The following RAPGEF4 variants were observed in gnomAD, a reference collection of about 807,000 sequenced individuals.
RAPGEF4 encodes Rap guanine nucleotide exchange factor 4.
RAPGEF4 carries 66 observed loss-of-function variants against 147.9 expected under a neutral mutation model. That is an observed-to-expected ratio of 0.45 (90% CI 0.37 to 0.55). The LOEUF (loss-of-function observed/expected upper bound fraction) is 0.55, where lower values mean the gene tolerates loss of function less well. Ranked by LOEUF, RAPGEF4 falls within the 20% of genes least tolerant of loss-of-function variation. The pLI, the probability that RAPGEF4 is intolerant of heterozygous loss-of-function variation, is 0.00. For missense variants in RAPGEF4, 1,071 were observed against 1,257.3 expected, an observed-to-expected ratio of 0.85 and a Z score of 2.24; for synonymous variants, 419 against 442.7, an observed-to-expected ratio of 0.95 and a Z score of 0.67.
At chr2:172,926,350 T>G (rs1013984728) in intron 6 of RAPGEF4, among the ~76,000 whole-genome samples, 1 of 152,220 alleles carries the variant, frequency 6.6e-6, no homozygotes, top group South Asian at 2.1e-4. Flanking sequence ...TGGCTACTTA[T>G]GCAGATTGTG....
At chr2:172,816,881 C>T (rs1688565659) in intron 4 of RAPGEF4, among the ~76,000 whole-genome samples, 1 of 152,202 alleles carries the variant, frequency 6.6e-6, no homozygotes. Flanking sequence ...TTTGCCTGTT[C>T]ATGCAACTAA....
Position 172,996,559 on chromosome 2 carries a change from A to G in RAPGEF4, c.1579+5A>G. 2 of 1,537,690 alleles carry G rather than the reference A, an allele frequency of 1.3e-6. No individual in the cohort carries two copies. Among genetic ancestry groups the G allele is most frequent in the South Asian group, 2.4e-5 (2 of 81,864 alleles). ...CAACTTTAAATGAAGCAACAGGTAT[A>G]CACATAGAACCGTTTGCATGTCCAT... On this transcript the variant is annotated splice_donor_5th_base_variant and intron_variant, in intron 16 of 30. Transcript: ENST00000397081.
chr2:172,790,427 A>G (rs1360946064), intron 1 of RAPGEF4, among the ~76,000 whole-genome samples: 1 of 152,182 alleles, frequency 6.6e-6, no homozygotes, highest in Non-Finnish European at 1.5e-5. Flanking sequence ...ATGCCAGGCT[A>G]AAGAAAATCA....
At chr2:172,960,940 AGT>A (rs1689225780) in intron 7 of RAPGEF4, 127 bp downstream of exon 7, 2 of 893,810 alleles carry the variant, frequency 2.2e-6, no homozygotes, top group East Asian at 5.1e-5. Context: ...GGAAATATTC[AGT>A]GTTTCAGTTC....
chr2:172,980,353 T>C (rs1223608986), intron 10 of RAPGEF4, among the ~76,000 whole-genome samples: 1 of 152,108 alleles, frequency 6.6e-6, no homozygotes, highest in Non-Finnish European at 1.5e-5. Context: ...AAGAGGGCTG[T>C]TTGGAGAACA....
In RAPGEF4 at chr2:173,018,169, T is replaced by C. The variant is rs1695676753; in HGVS notation, c.2009-487T>C. ...GCTGATCTAAGTCTGCTGAGCTAAA[T>C]AGCATCCGAGCTTACATGGCCTGGC... is the stretch of plus-strand genomic sequence containing the variant. On this transcript the variant is annotated intron_variant, in intron 21 of 30. Coordinates refer to ENST00000397081, the MANE Select transcript of RAPGEF4 (RefSeq NM_007023.4). Among the ~76,000 whole-genome samples, 4 of 152,268 alleles carry C rather than the reference T, an allele frequency of 2.6e-5. No individual in the cohort carries two copies. The South Asian group carries it at 6.2e-4, about 24-fold the overall frequency.
chr2:172,803,883 C>T (rs999392656), intron 3 of RAPGEF4, among the ~76,000 whole-genome samples: 1 of 152,200 alleles, frequency 6.6e-6, no homozygotes, highest in Non-Finnish European at 1.5e-5. Context: ...TAAAACGCCA[C>T]CAGTGTCTTT....
intron 4 of RAPGEF4, among the ~76,000 whole-genome samples, chr2:172,882,512 A>G (rs189894990): frequency 1.3e-5 from 2 of 152,300 alleles, no homozygotes; most frequent in East Asian, 3.9e-4. Flanking sequence ...AAGAAGTTCA[A>G]AATGCACTAT....
chr2:172,843,380 G>A (rs1285741143), intron 4 of RAPGEF4, among the ~76,000 whole-genome samples: 1 of 152,188 alleles, frequency 6.6e-6, no homozygotes, highest in Admixed American at 6.5e-5. Context: ...GTCAAAGCAT[G>A]CACACTTGGA....
At chr2:172,876,671 T>C (rs991639808) in intron 4 of RAPGEF4, among the ~76,000 whole-genome samples, 1 of 152,212 alleles carries the variant, frequency 6.6e-6, no homozygotes, top group African/African-American at 2.4e-5. Context: ...TTGAGGATTT[T>C]TGCATCAATG....
intron 1 of RAPGEF4, among the ~76,000 whole-genome samples, chr2:172,738,346 C>T (rs1694001156): frequency 6.6e-6 from 1 of 152,124 alleles, no homozygotes; most frequent in African/African-American, 2.4e-5. Flanking sequence ...TGCTTGTAGG[C>T]TTAGAGGGTA....
At chr2:172,753,878 A>ACG (rs1695525065) in intron 1 of RAPGEF4, among the ~76,000 whole-genome samples, 1 of 142,698 alleles carries the variant, frequency 7.0e-6, no homozygotes, top group Non-Finnish European at 1.5e-5. Context: ...GTGTATGTAC[A>ACG]CACACACACA....
intron 10 of RAPGEF4, among the ~76,000 whole-genome samples, chr2:172,981,944 T>G (rs1691723556): frequency 6.6e-6 from 1 of 152,254 alleles, no homozygotes; most frequent in Admixed American, 6.5e-5. Flanking sequence ...TGCAAAGGTC[T>G]GAGTTTTGAA....
chr2:172,765,066 A>G (rs1189510620), intron 1 of RAPGEF4, among the ~76,000 whole-genome samples: 1 of 152,200 alleles, frequency 6.6e-6, no homozygotes, highest in Non-Finnish European at 1.5e-5. Context: ...TTAGAGAAGA[A>G]GACTTCCTTG....
rs572585353 is a variant in RAPGEF4, at chr2:172,977,401, G to A, written c.1005-6095G>A. ...TTGTTCAGTGATTGTGGTGGGGAAC[G>A]CTCAGTTTTAGATGTGATCAGGTGC... On this transcript the variant is annotated intron_variant, in intron 10 of 30. Coordinates refer to ENST00000397081, the MANE Select transcript of RAPGEF4 (RefSeq NM_007023.4). 9.9e-5 allele frequency among the ~76,000 whole-genome samples: 15 copies of A among 152,208 alleles called. No individual in the cohort carries two copies. The East Asian group carries it at 2.3e-3, about 23-fold the overall frequency.
chr2:172,986,969 T>G (rs904433932), intron 12 of RAPGEF4, among the ~76,000 whole-genome samples: 1 of 152,172 alleles, frequency 6.6e-6, no homozygotes, highest in Non-Finnish European at 1.5e-5. Flanking sequence ...AAGTGTTGGA[T>G]TACAGGAGTG....
chr2:172,990,695 T>C (rs1410807491), intron 14 of RAPGEF4, 115 bp from the exon 15 acceptor site: 1 of 713,188 alleles, frequency 1.4e-6, no homozygotes, highest in East Asian at 2.7e-5. Context: ...TGACTTAATT[T>C]GTAGACGCAA....
intron 1 of RAPGEF4, among the ~76,000 whole-genome samples, chr2:172,774,151 A>C (rs1683923401): frequency 6.6e-6 from 1 of 152,210 alleles, no homozygotes; most frequent in Non-Finnish European, 1.5e-5. Context: ...TGGATTCTGC[A>C]TGTTATTGTG....
chr2:172,911,117 T>C (rs1265732931), intron 4 of RAPGEF4, among the ~76,000 whole-genome samples: 1 of 152,210 alleles, frequency 6.6e-6, no homozygotes, highest in East Asian at 1.9e-4. Flanking sequence ...GTTCCTGTTA[T>C]GGCGTCAACT....
Sources: allele counts gnomAD v4.1 joint callset (sites outside exome capture counted in the v4.1 genomes callset), GRCh38; gene constraint gnomAD v4.1.1; transcripts MANE v1.5; gene names NCBI Gene and HGNC (gene_info 2026-07-23, HGNC 2026-07-21).